ARHGAP15: variants seen among roughly 807,000 people sequenced by gnomAD.
ARHGAP15 encodes the protein Rho GTPase activating protein 15, also known as rho GTPase-activating protein 15.
A neutral mutation model predicts 63.7 loss-of-function variants in ARHGAP15; 51 were observed. The ratio of observed to expected loss-of-function variants is 0.80; its 90% CI spans 0.64 to 1.01. ARHGAP15 has a LOEUF of 1.01. ARHGAP15 is among the 50% of genes least tolerant of loss of function. The pLI is 0.00. For synonymous variants in ARHGAP15, 191 were observed against 193.8 expected, an observed-to-expected ratio of 0.99 and a Z score of 0.12; for missense variants, 560 against 564.6, an observed-to-expected ratio of 0.99 and a Z score of 0.08.
chr2:143,492,254 C>G (rs777000973), intron 9 of ARHGAP15, among the ~76,000 whole-genome samples: 9 of 152,112 alleles, frequency 5.9e-5, no homozygotes, highest in Non-Finnish European at 1.2e-4. Flanking sequence ...TTAGCTTTCT[C>G]CACAACTTGC....
intron 12 of ARHGAP15, among the ~76,000 whole-genome samples, chr2:143,661,158 T>TTAAAGACC (rs1681748618): frequency 1.3e-5 from 2 of 152,192 alleles, no homozygotes; most frequent in Non-Finnish European, 2.9e-5. Context: ...TTCTTTGCTT[T>TTAAAGACC]TAAAGACCAA....
intron 4 of ARHGAP15, among the ~76,000 whole-genome samples, chr2:143,217,128 C>G (rs1381685630): frequency 1.3e-5 from 2 of 152,014 alleles, no homozygotes; most frequent in East Asian, 3.9e-4. Context: ...AGAAAATGCT[C>G]AAGTTGAGAG....
intron 9 of ARHGAP15, among the ~76,000 whole-genome samples, chr2:143,509,328 T>G (rs1049947975): frequency 2.2e-5 from 3 of 137,700 alleles, no homozygotes; most frequent in Non-Finnish European, 3.3e-5. Context: ...TACTTGCCTC[T>G]TATGAAAAAA....
chr2:143,416,511 CCT>C (rs1470130583), intron 6 of ARHGAP15, among the ~76,000 whole-genome samples: 1 of 152,064 alleles, frequency 6.6e-6, no homozygotes, highest in Non-Finnish European at 1.5e-5. Flanking sequence ...TGTTCTTTGT[CCT>C]CTGTTACTCT....
intron 6 of ARHGAP15, among the ~76,000 whole-genome samples, chr2:143,422,447 G>A (rs1267374680): frequency 3.3e-5 from 5 of 152,066 alleles, no homozygotes; most frequent in African/African-American, 1.2e-4. Context: ...CAACTACTAT[G>A]GAAAAGTTTG....
chr2:143,635,456 T>G (rs961260510), intron 12 of ARHGAP15, among the ~76,000 whole-genome samples: 2 of 152,130 alleles, frequency 1.3e-5, no homozygotes, highest in Non-Finnish European at 2.9e-5. Context: ...CAAGCACTTG[T>G]CCTTTCTCCA....
chr2:143,200,495 A>G (rs972971463), intron 2 of ARHGAP15, among the ~76,000 whole-genome samples: 3 of 151,944 alleles, frequency 2.0e-5, no homozygotes, highest in Non-Finnish European at 2.9e-5. Context: ...TTTCCTAGAC[A>G]TAGTACTCAG....
At position 143,414,837 on chromosome 2, in the gene ARHGAP15, C is replaced by T. The variant is rs902459818; in HGVS notation, c.475-20764C>T. Among the ~76,000 whole-genome samples the T allele has an allele frequency of 6.6e-5, 10 of 152,092 alleles. No homozygotes were observed. In the South Asian group the frequency reaches 2.1e-3, roughly 32 times the overall value. On this transcript the variant is annotated intron_variant, in intron 6 of 13. Transcript: ENST00000295095. ...AATCCCATTACTTGAGAGGCTGAGG[C>T]AGAACCGCTAGAACCTGGGAGGCAG...
intron 6 of ARHGAP15, among the ~76,000 whole-genome samples, chr2:143,291,236 T>C (rs1682383295): frequency 6.6e-6 from 1 of 152,184 alleles, no homozygotes; most frequent in South Asian, 2.1e-4. Flanking sequence ...CAAAATGTAC[T>C]AAAGACAGTT....
At chr2:143,289,626 G>A (rs1418412020) in intron 6 of ARHGAP15, among the ~76,000 whole-genome samples, 1 of 152,144 alleles carries the variant, frequency 6.6e-6, no homozygotes, top group Non-Finnish European at 1.5e-5. Context: ...ACCCAGATGT[G>A]CCCAGGAATT....
intron 6 of ARHGAP15, among the ~76,000 whole-genome samples, chr2:143,416,541 TTTG>T (rs1183397942): frequency 6.6e-6 from 1 of 152,170 alleles, no homozygotes; most frequent in Admixed American, 6.5e-5. Flanking sequence ...TTGCCTGGAT[TTTG>T]TTGTTGTTGT....
intron 5 of ARHGAP15, among the ~76,000 whole-genome samples, chr2:143,245,615 C>CTTA (rs1409280448): frequency 6.9e-6 from 1 of 144,684 alleles, no homozygotes; most frequent in Non-Finnish European, 1.5e-5. Flanking sequence ...TGCTTTTCTT[C>CTTA]TTCTTCTTTT....
intron 11 of ARHGAP15, among the ~76,000 whole-genome samples, chr2:143,599,788 T>A (rs1697691719): frequency 6.6e-6 from 1 of 152,170 alleles, no homozygotes; most frequent in South Asian, 2.1e-4. Context: ...GGATCACTTT[T>A]CTCTAATTTT....
chr2:143,510,213 C>T (rs1693519838), intron 9 of ARHGAP15, among the ~76,000 whole-genome samples: 1 of 152,064 alleles, frequency 6.6e-6, no homozygotes, highest in South Asian at 2.1e-4. Flanking sequence ...TATCCGCTGC[C>T]TCTCTATTAT....
intron 11 of ARHGAP15, among the ~76,000 whole-genome samples, chr2:143,566,129 A>G (rs1696212834): frequency 6.6e-6 from 1 of 152,204 alleles, no homozygotes; most frequent in Non-Finnish European, 1.5e-5. Flanking sequence ...CAACGTGAAA[A>G]TAAATATTCA....
At chr2:143,480,397 T>C (rs1311972767) in intron 8 of ARHGAP15, among the ~76,000 whole-genome samples, 1 of 152,208 alleles carries the variant, frequency 6.6e-6, no homozygotes, top group Non-Finnish European at 1.5e-5. Context: ...CACTTCTCCT[T>C]AAATGGGTAG....
intron 6 of ARHGAP15, among the ~76,000 whole-genome samples, chr2:143,357,983 T>G (rs989637557): frequency 6.6e-6 from 1 of 152,208 alleles, no homozygotes. Flanking sequence ...AAAATGGCAT[T>G]CATTTTGTTT....
intron 1 of ARHGAP15, among the ~76,000 whole-genome samples, chr2:143,153,840 T>TCCTCCTCCTCCTCCTCCTCC (rs1553440925): frequency 1.3e-5 from 1 of 78,398 alleles, no homozygotes; most frequent in African/African-American, 5.3e-5. Context: ...CTTCTTCTTC[T>TCCTCCTCCTCCTCCTCCTCC]TCTTCCTCCT....
rs542533952 is a variant in ARHGAP15, at chr2:143,637,876, G to T, written c.1138+13609G>T. Among the ~76,000 whole-genome samples the T allele has an allele frequency of 1.7e-4, 26 of 152,100 alleles. No homozygotes were observed. The South Asian group carries it at 4.4e-3, about 26-fold the overall frequency. On this transcript the variant is annotated intron_variant, in intron 12 of 13. Coordinates refer to ENST00000295095, the MANE Select transcript of ARHGAP15 (RefSeq NM_018460.4). ...GACACTTCTCAAAAGAAGACATTTA[G>T]GCAGCCAAAAAACACATGAAAAAAT...
Sources: allele counts gnomAD v4.1 joint callset (sites outside exome capture counted in the v4.1 genomes callset), GRCh38; gene constraint gnomAD v4.1.1; transcripts MANE v1.5; gene names NCBI Gene and HGNC (gene_info 2026-07-23, HGNC 2026-07-21).